Variants in RELN observed in about 807,000 individuals in gnomAD.
RELN encodes the protein reelin.
In RELN, 108 loss-of-function variants were observed where a neutral mutation model predicts 427.6. The ratio of observed to expected loss-of-function variants is 0.25; its 90% CI spans 0.22 to 0.30. The LOEUF (loss-of-function observed/expected upper bound fraction) is 0.30, where lower values mean the gene tolerates loss of function less well. Ranked by LOEUF, RELN falls within the 10% of genes least tolerant of loss-of-function variation. The pLI is 1.00. For missense variants in RELN, 3,715 were observed against 4,302.8 expected, an observed-to-expected ratio of 0.86 and a Z score of 3.82; for synonymous variants, 1,524 against 1,513.4, an observed-to-expected ratio of 1.01 and a Z score of -0.16.
At chr7:103,860,303 T>A (rs1228985525) in intron 2 of RELN, among the ~76,000 whole-genome samples, 1 of 152,174 alleles carries the variant, frequency 6.6e-6, no homozygotes, top group African/African-American at 2.4e-5. Context: ...GGGATTAAGG[T>A]ATTAAGTTTT....
At chr7:103,658,874 T>C (rs1833078385) in intron 12 of RELN, among the ~76,000 whole-genome samples, 1 of 151,794 alleles carries the variant, frequency 6.6e-6, no homozygotes, top group African/African-American at 2.4e-5. Flanking sequence ...CCCAAACCAC[T>C]GTCTTCCTTC....
intron 61 of RELN, among the ~76,000 whole-genome samples, chr7:103,484,701 T>G (rs991027695): frequency 1.3e-5 from 2 of 152,238 alleles, no homozygotes; most frequent in African/African-American, 4.8e-5. Flanking sequence ...GAAATCTTGT[T>G]AGAGTATTTC....
chr7:103,771,092 T>C (rs1401824703), intron 4 of RELN, among the ~76,000 whole-genome samples: 4 of 151,770 alleles, frequency 2.6e-5, no homozygotes, highest in African/African-American at 9.7e-5. Context: ...ATTTTTTCTA[T>C]TTTTAGTAGA....
chr7:103,510,760 T>A, intron 51 of RELN, 91 bp downstream of exon 51: 1 of 1,052,736 alleles, frequency 9.5e-7, no homozygotes, highest in South Asian at 1.3e-5. Context: ...ATATACTAAG[T>A]CAATGAAATA....
At chr7:103,987,949 T>A (rs1464456574) in intron 1 of RELN, among the ~76,000 whole-genome samples, 3 of 152,150 alleles carry the variant, frequency 2.0e-5, no homozygotes, top group African/African-American at 7.2e-5. Flanking sequence ...GATATCAAGG[T>A]TTTTTTAAAA....
At chr7:103,600,562 C>T (rs1286767069) in intron 24 of RELN, among the ~76,000 whole-genome samples, 2 of 152,158 alleles carry the variant, frequency 1.3e-5, no homozygotes, top group Non-Finnish European at 2.9e-5. Flanking sequence ...TTACTGGTTC[C>T]AGGTCTCCCT....
At position 103,809,872 on chromosome 7, in the gene RELN, A is replaced by G. The variant is rs148848403; in HGVS notation, c.473+23665T>C. On this transcript the variant is annotated intron_variant, in intron 3 of 64. Transcript: ENST00000428762. ...CTAAAAGAGGATCCCTGCTGTGACC[A>G]TAAGCATCAGAGACACACATAACAG... Among the ~76,000 whole-genome samples the G allele has an allele frequency of 1.1e-3, 169 of 152,302 alleles. 2 individuals carry two copies. Among genetic ancestry groups the G allele is most frequent in the Middle Eastern group, 6.8e-3 (2 of 294 alleles).
chr7:103,815,039 G>A (rs948423096), intron 3 of RELN, among the ~76,000 whole-genome samples: 1 of 152,176 alleles, frequency 6.6e-6, no homozygotes, highest in African/African-American at 2.4e-5. Flanking sequence ...ATATGTTGGA[G>A]TCTTTGCTGT....
At chr7:103,987,848 A>G (rs1392012981) in intron 1 of RELN, among the ~76,000 whole-genome samples, 2 of 152,252 alleles carry the variant, frequency 1.3e-5, no homozygotes, top group Non-Finnish European at 2.9e-5. Flanking sequence ...TCTGCTTTAC[A>G]GACAAGGCTG....
intron 20 of RELN, among the ~76,000 whole-genome samples, chr7:103,612,931 C>A (rs1831994725): frequency 6.6e-6 from 1 of 152,158 alleles, no homozygotes; most frequent in South Asian, 2.1e-4. Context: ...TTCCCAGGGT[C>A]AATCACACTA....
Position 103,530,598 on chromosome 7 carries a change from C to T in RELN, c.7349+4718G>A, listed in dbSNP as rs1029042295. Among the ~76,000 whole-genome samples, 3 of 152,314 alleles carry T rather than the reference C, an allele frequency of 2.0e-5. 1 individual carries two copies. Among genetic ancestry groups the T allele is most frequent in the African/African-American group, 7.2e-5 (3 of 41,572 alleles). ...ATGCTTGCTATAAGTTAACCCAACTCTGTGAATCAGCATCTTGTCATAGCT... is the reference window on the plus strand; with the variant it reads ...ATGCTTGCTATAAGTTAACCCAACTTTGTGAATCAGCATCTTGTCATAGCT... On this transcript the variant is annotated intron_variant, in intron 46 of 64. Transcript: ENST00000428762.
At chr7:103,491,868 A>G in intron 58 of RELN, 85 bp downstream of exon 58, 1 of 549,490 alleles carries the variant, frequency 1.8e-6, no homozygotes, top group Non-Finnish European at 3.2e-6. Flanking sequence ...ACACACACAC[A>G]CACACACACA....
At position 103,504,996 on chromosome 7, in the gene RELN, G is replaced by A. The variant is rs189745681; in HGVS notation, c.8275-1766C>T. Among the ~76,000 whole-genome samples, 764 of 152,226 alleles carry A rather than the reference G, an allele frequency of 5.0e-3. 4 individuals carry two copies. The highest frequency in any genetic ancestry group is 0.017 in the East Asian group (86 of 5,168). On this transcript the variant is annotated intron_variant, in intron 51 of 64. Transcript: ENST00000428762. ...AATGGGTGGAGCCCGCCTCAGCTCAGCAAGGCCAACTGCCACTCTAGATTC... is the reference window on the plus strand; with the variant it reads ...AATGGGTGGAGCCCGCCTCAGCTCAACAAGGCCAACTGCCACTCTAGATTC...
chr7:103,601,865 T>C (rs1020801781), intron 24 of RELN, among the ~76,000 whole-genome samples: 1 of 152,134 alleles, frequency 6.6e-6, no homozygotes, highest in Admixed American at 6.6e-5. Context: ...CAGTCCTTAG[T>C]TGGTTTCTAG....
chr7:103,505,333 G>A (rs2117045926), intron 51 of RELN, among the ~76,000 whole-genome samples: 1 of 152,256 alleles, frequency 6.6e-6, no homozygotes, highest in South Asian at 2.1e-4. Flanking sequence ...GCTGGCATCT[G>A]GTGGGTGCCC....
chr7:103,593,556 T>C, intron 27 of RELN, 126 bp downstream of exon 27: 1 of 827,106 alleles, frequency 1.2e-6, no homozygotes, highest in Non-Finnish European at 2.0e-6. Context: ...CTGTTAAGCT[T>C]TCGTACAGGT....
At position 103,617,424 on chromosome 7, in the gene RELN, T is replaced by C. The variant is rs116617101; in HGVS notation, c.2703-5621A>G. Among the ~76,000 whole-genome samples the C allele has an allele frequency of 2.8e-3, 422 of 152,010 alleles. 5 individuals are homozygous for C. Among genetic ancestry groups the C allele is most frequent in the African/African-American group, 9.4e-3 (390 of 41,354 alleles). On this transcript the variant is annotated intron_variant, in intron 20 of 64. Coordinates refer to ENST00000428762, the MANE Select transcript of RELN (RefSeq NM_005045.4). ...TCCCTGATTCTGGTGTCATGTTTTA[T>C]TGGTATCTTTTGAGACTGTCTCTAA...
At position 103,603,221 on chromosome 7, in the gene RELN, C is replaced by CG; in HGVS notation, c.3333+82_3333+83insC. 3 of 1,157,564 alleles carry CG rather than the reference C, an allele frequency of 2.6e-6. No individual in the cohort carries two copies. The highest frequency in any genetic ancestry group is 3.9e-6 in the Non-Finnish European group (3 of 765,174). The allele number at this position is 1,157,564 out of a possible 1,614,324, so 71.7% of individuals were successfully genotyped here. A position where few individuals can be genotyped will look rare whatever the true frequency, so the allele number is the denominator to read the frequency against. On this transcript the variant is annotated intron_variant, in intron 24 of 64. Transcript: ENST00000428762. This position sits in a 1 kb window ranked among gnomAD's most constrained non-coding sequence, Gnocchi z 4.3. ...GGGAACGTGGGGAACAATAGAACCA[C>CG]TTCATATTTGTACATTTGGAATTCA... is the stretch of plus-strand genomic sequence containing the variant.
chr7:103,508,424 C>A (rs1342483712), intron 51 of RELN, among the ~76,000 whole-genome samples: 1 of 152,192 alleles, frequency 6.6e-6, no homozygotes, highest in Non-Finnish European at 1.5e-5. Context: ...TCAATAGATG[C>A]AGAAAAGGCC....
Sources: gnomAD v4.1 joint callset for allele counts (sites outside exome capture counted in the v4.1 genomes callset) on GRCh38, gnomAD v4.1.1 for gene constraint, Gnocchi (gnomAD v3.1) non-coding constraint, MANE v1.5 for transcripts, NCBI Gene and HGNC (gene_info 2026-07-23, HGNC 2026-07-21) for gene names.